ERBB4: variants seen among roughly 807,000 people sequenced by gnomAD.
The protein encoded by ERBB4 is erb-b2 receptor tyrosine kinase 4.
A neutral mutation model predicts 158.0 loss-of-function variants in ERBB4; 42 were observed. The ratio of observed to expected loss-of-function variants is 0.27; its 90% CI spans 0.21 to 0.34. The LOEUF (loss-of-function observed/expected upper bound fraction) is 0.34, where lower values mean the gene tolerates loss of function less well. ERBB4 is among the 10% of genes least tolerant of loss of function. ERBB4 has a pLI of 1.00. For missense variants in ERBB4, 1,333 were observed against 1,624.1 expected (o/e 0.82, Z 3.08); for synonymous variants, 583 against 558.7 (o/e 1.04, Z -0.61).
chr2:212,137,729 G>T (rs952971484), intron 1 of ERBB4, among the ~76,000 whole-genome samples: 2 of 152,050 alleles, frequency 1.3e-5, no homozygotes, highest in Admixed American at 6.6e-5. Context: ...TTCTGTTTTA[G>T]GTCTTTAAGG....
intron 2 of ERBB4, among the ~76,000 whole-genome samples, chr2:212,015,829 G>A (rs1444738587): frequency 6.6e-6 from 1 of 152,082 alleles, no homozygotes; most frequent in Admixed American, 6.6e-5. Flanking sequence ...CAGTACTTGA[G>A]GCCCTTTGAC....
intron 1 of ERBB4, among the ~76,000 whole-genome samples, chr2:212,321,429 C>A (rs779006036): frequency 1.3e-5 from 2 of 150,408 alleles, no homozygotes; most frequent in Non-Finnish European, 3.0e-5. Context: ...AATAAAACAA[C>A]AGACTGGGCA....
At position 212,045,979 on chromosome 2, in the gene ERBB4, G is replaced by A. The variant is rs189054628; in HGVS notation, c.234+78773C>T. Among the ~76,000 whole-genome samples, 127 of 152,224 alleles carry A rather than the reference G, an allele frequency of 8.3e-4. 1 individual carries two copies. The highest frequency in any genetic ancestry group is 7.4e-4 in the Non-Finnish European group (50 of 68,024). Reference sequence around the variant, plus strand: ...ACCAATATATTCTATGGAATAAACCGTCTTAGACTCACTGGTATTCAGGGA... The same window carrying A: ...ACCAATATATTCTATGGAATAAACCATCTTAGACTCACTGGTATTCAGGGA... On this transcript the variant is annotated intron_variant, in intron 2 of 27. Coordinates refer to ENST00000342788, the MANE Select transcript of ERBB4 (RefSeq NM_005235.3).
In ERBB4 at chr2:212,397,453, C is replaced by T. The variant is rs1398318219; in HGVS notation, c.82+140996G>A. ...TTGACACTGCACTCAGCCTGGGTGA[C>T]AGAGCAAGCCCCTGTCAAAAGACAG... On this transcript the variant is annotated intron_variant, in intron 1 of 27. Coordinates refer to ENST00000342788, the MANE Select transcript of ERBB4 (RefSeq NM_005235.3). Among the ~76,000 whole-genome samples the T allele has an allele frequency of 2.8e-5, 4 of 140,720 alleles. No individual in the cohort carries two copies. The East Asian group carries it at 8.3e-4, about 29-fold the overall frequency. The allele number at this position is 140,720 out of a possible 152,430, so 92.3% of individuals were successfully genotyped here.
intron 1 of ERBB4, among the ~76,000 whole-genome samples, chr2:212,386,955 A>G (rs927429804): frequency 5.9e-5 from 9 of 152,128 alleles, no homozygotes; most frequent in African/African-American, 2.2e-4. Context: ...GGTTCTTAAT[A>G]AATTTTGAAT....
At chr2:211,571,751 A>G (rs1298169590) in intron 19 of ERBB4, among the ~76,000 whole-genome samples, 2 of 152,176 alleles carry the variant, frequency 1.3e-5, no homozygotes, top group Non-Finnish European at 2.9e-5. Flanking sequence ...GAAGAATGCA[A>G]TACCATTTTA....
intron 3 of ERBB4, among the ~76,000 whole-genome samples, chr2:211,802,030 C>T (rs540840643): frequency 1.3e-5 from 2 of 152,166 alleles, no homozygotes; most frequent in African/African-American, 4.8e-5. Flanking sequence ...GAGGCCGAGG[C>T]GGGCGGATCA....
intron 3 of ERBB4, 143 bp from the exon 4 acceptor site, chr2:211,788,302 C>G (rs1575149545): frequency 1.5e-6 from 1 of 659,700 alleles, no homozygotes; most frequent in East Asian, 2.7e-5. Context: ...TTTAAAATAT[C>G]TTTCAATGAA....
chr2:211,387,404 T>C (rs1017294675), intron 26 of ERBB4, among the ~76,000 whole-genome samples: 7 of 152,160 alleles, frequency 4.6e-5, no homozygotes, highest in African/African-American at 1.7e-4. Context: ...TGAAACATAT[T>C]CTAATAAAAT....
intron 1 of ERBB4, among the ~76,000 whole-genome samples, chr2:212,342,662 C>T (rs2088778440): frequency 1.3e-5 from 2 of 152,188 alleles, no homozygotes; most frequent in Middle Eastern, 6.8e-3. Flanking sequence ...GAAAGTAATG[C>T]ACCAACAGTA....
At chr2:212,474,839 T>TTTTTTTTTTTTTTTTTTTTTG (rs1245995165) in intron 1 of ERBB4, among the ~76,000 whole-genome samples, 1 of 136,218 alleles carries the variant, frequency 7.3e-6, no homozygotes, top group African/African-American at 3.4e-5. Context: ...TTTTTTTTTT[T>TTTTTTTTTTTTTTTTTTTTTG]TGTCAAGACA....
chr2:212,319,311 C>T (rs1336724919), intron 1 of ERBB4, among the ~76,000 whole-genome samples: 1 of 138,722 alleles, frequency 7.2e-6, no homozygotes, highest in Non-Finnish European at 1.7e-5. Context: ...AAGTTTTAAA[C>T]GTCCTCAGAC....
At chr2:211,587,377 G>A (rs1032000641) in intron 19 of ERBB4, among the ~76,000 whole-genome samples, 3 of 152,012 alleles carry the variant, frequency 2.0e-5, no homozygotes, top group Admixed American at 6.5e-5. Context: ...GATGAGACAC[G>A]CTGGAATAGA....
intron 19 of ERBB4, among the ~76,000 whole-genome samples, chr2:211,606,025 A>T (rs1485837573): frequency 6.6e-6 from 1 of 152,136 alleles, no homozygotes; most frequent in Admixed American, 6.5e-5. Context: ...GCCCACTTTT[A>T]AAAATTTTAC....
intron 20 of ERBB4, among the ~76,000 whole-genome samples, chr2:211,438,500 A>G (rs1180706479): frequency 6.6e-6 from 1 of 152,200 alleles, no homozygotes; most frequent in Non-Finnish European, 1.5e-5. Flanking sequence ...TAATAATAGT[A>G]TCTACTCTGA....
At chr2:211,800,753 C>CA (rs2076482878) in intron 3 of ERBB4, among the ~76,000 whole-genome samples, 1 of 150,264 alleles carries the variant, frequency 6.7e-6, no homozygotes, top group South Asian at 2.1e-4. Flanking sequence ...TTGCCTCTGT[C>CA]AAAAGTAGAT....
intron 5 of ERBB4, among the ~76,000 whole-genome samples, chr2:211,732,361 G>GGAA (rs139335340): frequency 1.3e-5 from 2 of 148,420 alleles, no homozygotes; most frequent in Non-Finnish European, 3.0e-5. Context: ...GGTCTTTTTT[G>GGAA]AAAAAAAAAA....
chr2:212,266,859 A>T (rs1348575361), intron 1 of ERBB4, among the ~76,000 whole-genome samples: 1 of 151,998 alleles, frequency 6.6e-6, no homozygotes, highest in Non-Finnish European at 1.5e-5. Flanking sequence ...TTAAATGAGA[A>T]GTTCTATTCA....
At chr2:211,726,408 A>G (rs772894067) in intron 5 of ERBB4, among the ~76,000 whole-genome samples, 2 of 152,174 alleles carry the variant, frequency 1.3e-5, no homozygotes, top group Non-Finnish European at 2.9e-5. Context: ...TTGATATGCA[A>G]GGTGTACAAA....
Sources: allele counts gnomAD v4.1 joint callset (sites outside exome capture counted in the v4.1 genomes callset), GRCh38; gene constraint gnomAD v4.1.1; transcripts MANE v1.5; gene names NCBI Gene and HGNC (gene_info 2026-07-23, HGNC 2026-07-21).